Variants in GRID2 observed in about 807,000 individuals in gnomAD.
GRID2 encodes glutamate receptor ionotropic, delta-2.
A neutral mutation model predicts 114.8 loss-of-function variants in GRID2; 33 were observed. The ratio of observed to expected loss-of-function variants is 0.29; its 90% CI spans 0.22 to 0.38. The LOEUF (loss-of-function observed/expected upper bound fraction) is 0.38, where lower values mean the gene tolerates loss of function less well. GRID2 is among the 10% of genes least tolerant of loss of function. The pLI is 1.00. For missense variants in GRID2, 1,184 were observed against 1,257.7 expected, an observed-to-expected ratio of 0.94 and a Z score of 0.89; for synonymous variants, 505 against 449.9, an observed-to-expected ratio of 1.12 and a Z score of -1.55.
intron 2 of GRID2, among the ~76,000 whole-genome samples, chr4:93,059,585 A>C (rs537764933): frequency 3.3e-5 from 5 of 152,242 alleles, no homozygotes; most frequent in Non-Finnish European, 7.4e-5. Context: ...TTTCAATTTT[A>C]TGATGATTGA....
chr4:93,375,027 T>C (rs1763242509), intron 8 of GRID2, among the ~76,000 whole-genome samples: 1 of 152,058 alleles, frequency 6.6e-6, no homozygotes, highest in African/African-American at 2.4e-5. Flanking sequence ...ATTAGATTTG[T>C]ACAGGGAAGG....
intron 2 of GRID2, among the ~76,000 whole-genome samples, chr4:92,983,165 A>G (rs1164966989): frequency 1.3e-5 from 2 of 152,142 alleles, no homozygotes; most frequent in East Asian, 1.9e-4. Flanking sequence ...ACAAAATACA[A>G]CAATATTGAT....
intron 1 of GRID2, among the ~76,000 whole-genome samples, chr4:92,504,017 G>A (rs555695808): frequency 8.5e-5 from 13 of 152,094 alleles, no homozygotes; most frequent in African/African-American, 3.1e-4. Context: ...ATCATTTCAA[G>A]ACCAAAAATG....
In GRID2 at chr4:93,128,027, C is replaced by CAAAAAAAAA. The variant is rs1008311457; in HGVS notation, c.735+17098_735+17106dup. ...CAGAGTAAGACCTTGTCCCCCGCAA[C>CAAAAAAAAA]AAAAAAAAAAAAAAAAAAAAAAAAA... On this transcript the variant is annotated intron_variant, in intron 4 of 15. Coordinates refer to ENST00000282020, the MANE Select transcript of GRID2 (RefSeq NM_001510.4). Among the ~76,000 whole-genome samples the CAAAAAAAAA allele has an allele frequency of 4.6e-3, 93 of 20,308 alleles. 14 individuals are homozygous for CAAAAAAAAA. Among genetic ancestry groups the CAAAAAAAAA allele is most frequent in the South Asian group, 0.012 (4 of 324 alleles). The allele number at this position is 20,308 out of a possible 152,430, so 13.3% of individuals were successfully genotyped here. A position where few individuals can be genotyped will look rare whatever the true frequency, so the allele number is the denominator to read the frequency against.
At chr4:93,312,828 C>T (rs1034467388) in intron 8 of GRID2, among the ~76,000 whole-genome samples, 21 of 152,004 alleles carry the variant, frequency 1.4e-4, no homozygotes, top group African/African-American at 1.9e-4. Flanking sequence ...TTAATCAGAG[C>T]GTTGTTAATA....
chr4:93,631,617 G>A (rs538133866), intron 14 of GRID2, among the ~76,000 whole-genome samples: 80 of 152,230 alleles, frequency 5.3e-4, no homozygotes, highest in African/African-American at 1.9e-3. Context: ...GTCTATCATT[G>A]TTGGACATTT....
intron 2 of GRID2, among the ~76,000 whole-genome samples, chr4:92,854,150 G>T (rs947693872): frequency 2.6e-5 from 4 of 151,956 alleles, no homozygotes; most frequent in Admixed American, 6.6e-5. Context: ...CTGGGCTACA[G>T]ACTTTATTTT....
intron 1 of GRID2, among the ~76,000 whole-genome samples, chr4:92,548,199 G>A (rs1726373313): frequency 6.6e-6 from 1 of 151,950 alleles, no homozygotes; most frequent in Admixed American, 6.6e-5. Context: ...GTAATATGTT[G>A]AGTTAGGTGC....
intron 2 of GRID2, among the ~76,000 whole-genome samples, chr4:92,696,072 T>C (rs1205931114): frequency 1.3e-5 from 2 of 152,154 alleles, no homozygotes; most frequent in African/African-American, 2.4e-5. Context: ...TAATTTATAG[T>C]ATATGTTCAG....
intron 10 of GRID2, among the ~76,000 whole-genome samples, chr4:93,441,967 G>T (rs1251759863): frequency 4.6e-5 from 7 of 151,980 alleles, no homozygotes; most frequent in Non-Finnish European, 1.0e-4. Context: ...ACATCTGAGT[G>T]TCTCTCCTAC....
At chr4:93,584,641 T>G (rs1393108033) in intron 13 of GRID2, among the ~76,000 whole-genome samples, 2 of 152,134 alleles carry the variant, frequency 1.3e-5, no homozygotes, top group African/African-American at 2.4e-5. Context: ...GAATTTAACA[T>G]AAGCTCTTAA....
rs557757935 is a variant in GRID2 at position 92,956,601 on chromosome 4, A to G, written c.245-128394A>G. Among the ~76,000 whole-genome samples, 9 of 152,320 alleles carry G rather than the reference A, an allele frequency of 5.9e-5. No individual in the cohort carries two copies. In the South Asian group the frequency reaches 1.9e-3, roughly 32 times the overall value. ...TTCTTCCAAGTTTTGGCAATTATAA[A>G]TAAAGCTACTATAAGCATCAATTTT... On this transcript the variant is annotated intron_variant, in intron 2 of 15. Transcript: ENST00000282020.
intron 4 of GRID2, among the ~76,000 whole-genome samples, chr4:93,171,358 A>C (rs1738804228): frequency 6.6e-6 from 1 of 152,164 alleles, no homozygotes; most frequent in Non-Finnish European, 1.5e-5. Flanking sequence ...CTCTTTGTTT[A>C]AACATTGTCT....
At chr4:92,318,332 C>T (rs1168378639) in intron 1 of GRID2, among the ~76,000 whole-genome samples, 4 of 110,228 alleles carry the variant, frequency 3.6e-5, no homozygotes, top group Non-Finnish European at 7.0e-5. Flanking sequence ...TTTTGGTAAG[C>T]AATATTATAT....
At chr4:93,061,193 C>A (rs1381243315) in intron 2 of GRID2, among the ~76,000 whole-genome samples, 2 of 104,088 alleles carry the variant, frequency 1.9e-5, no homozygotes, top group African/African-American at 3.6e-5. Flanking sequence ...TCAGGTTTTT[C>A]TTGTTTTTTT....
At chr4:92,398,739 G>T (rs1370984471) in intron 1 of GRID2, among the ~76,000 whole-genome samples, 1 of 151,884 alleles carries the variant, frequency 6.6e-6, no homozygotes, top group African/African-American at 2.4e-5. Context: ...GGCAGATGAA[G>T]GAAAAAAATG....
chr4:92,918,368 GC>G (rs1749003248), intron 2 of GRID2, among the ~76,000 whole-genome samples: 1 of 152,046 alleles, frequency 6.6e-6, no homozygotes, highest in Non-Finnish European at 1.5e-5. Context: ...GATTGCCCTG[GC>G]CAGAACTTCC....
At chr4:93,149,883 G>C (rs1052699993) in intron 4 of GRID2, among the ~76,000 whole-genome samples, 8 of 151,948 alleles carry the variant, frequency 5.3e-5, no homozygotes, top group Admixed American at 5.2e-4. Context: ...TGATCCTCCT[G>C]CCTCCACCTC....
At chr4:93,066,787 A>C (rs2149300017) in intron 2 of GRID2, among the ~76,000 whole-genome samples, 1 of 152,102 alleles carries the variant, frequency 6.6e-6, no homozygotes, top group South Asian at 2.1e-4. Flanking sequence ...TGGCATATTC[A>C]AATTGCCAGC....
Sources: allele counts gnomAD v4.1 joint callset (sites outside exome capture counted in the v4.1 genomes callset), GRCh38; gene constraint gnomAD v4.1.1; transcripts MANE v1.5; gene names NCBI Gene and HGNC (gene_info 2026-07-23, HGNC 2026-07-21).